The following HEMGN variants were observed in gnomAD, a reference collection of about 807,000 sequenced individuals.
The protein encoded by HEMGN is erythroid differentiation-associated gene protein.
In HEMGN, 32 loss-of-function variants were observed where a neutral mutation model predicts 45.7. That is an observed-to-expected ratio of 0.70 (90% CI 0.53 to 0.94). The LOEUF (loss-of-function observed/expected upper bound fraction) is 0.94. Among genes scored for constraint, HEMGN ranks in the 40% least tolerant of loss-of-function variants. The pLI, the probability that HEMGN is intolerant of heterozygous loss-of-function variation, is 0.00. For synonymous variants in HEMGN, 183 were observed against 178.6 expected (o/e 1.02, Z -0.20); for missense variants, 530 against 564.2 (o/e 0.94, Z 0.61).
intron 2 of HEMGN, among the ~76,000 whole-genome samples, chr9:97,932,837 T>A: frequency 6.7e-6 from 1 of 149,516 alleles, no homozygotes. Context: ...CTAAAGATGA[T>A]GGTTATGGCA....
At chr9:97,943,191 A>G (rs1336165615) in intron 1 of HEMGN, among the ~76,000 whole-genome samples, 1 of 152,204 alleles carries the variant, frequency 6.6e-6, no homozygotes, top group Non-Finnish European at 1.5e-5. Context: ...CGGCAGATAT[A>G]AGTCCCATCA....
chr9:97,927,168 T>TACACAC lies in HEMGN; in HGVS notation c.*210_*215dup, dbSNP rs34825770. 1.6e-5 allele frequency: 5 copies of TACACAC among 317,212 alleles called. No homozygotes were observed. The highest frequency in any genetic ancestry group is 7.7e-5 in the South Asian group (1 of 12,940). 19.6% of individuals were successfully genotyped at this position (317,212 alleles called of 1,614,324 possible). ...ATCCTCTCCCCGACCTATACATACATACACACACACACACACACACACACA... is the reference window on the plus strand; with the variant it reads ...ATCCTCTCCCCGACCTATACATACATACACACACACACACACACACACACACACACA... On this transcript the variant is annotated 3_prime_UTR_variant, in exon 4 of 4. Coordinates refer to ENST00000616898, the MANE Select transcript of HEMGN (RefSeq NM_197978.3).
In HEMGN at chr9:97,927,186, C is replaced by A. The variant is rs945459882; in HGVS notation, c.*198G>T. 4.5e-6 allele frequency: 2 copies of A among 444,730 alleles called. No individual in the cohort carries two copies. The highest frequency in any genetic ancestry group is 4.0e-5 in the African/African-American group (2 of 49,798). 27.5% of individuals were successfully genotyped at this position (444,730 alleles called of 1,614,324 possible). ...ACATACATACACACACACACACACA[C>A]ACACACACACACATTCTAGCATGAT... On this transcript the variant is annotated 3_prime_UTR_variant, in exon 4 of 4. Transcript: ENST00000616898.
upstream of HEMGN, among the ~76,000 whole-genome samples, chr9:97,940,944 C>T (rs1221003752): frequency 1.3e-5 from 2 of 152,124 alleles, no homozygotes; most frequent in East Asian, 3.8e-4. Context: ...TGTCAGAGCT[C>T]TTTCTACTGT....
intron 3 of HEMGN, 41 bp downstream of exon 3, chr9:97,929,994 G>T: frequency 7.0e-7 from 1 of 1,423,146 alleles, no homozygotes; most frequent in Non-Finnish European, 9.8e-7. Flanking sequence ...TCACTACTCT[G>T]GGGGAGATGT....
At chr9:97,937,402 A>G (rs1250250799) in intron 1 of HEMGN, among the ~76,000 whole-genome samples, 1 of 152,080 alleles carries the variant, frequency 6.6e-6, no homozygotes, top group Non-Finnish European at 1.5e-5. Context: ...GTCCCTATAA[A>G]GAAATCACAT....
chr9:97,938,344 G>A (rs1827101662), upstream of HEMGN: 2 of 505,310 alleles, frequency 4.0e-6, no homozygotes, highest in Admixed American at 7.4e-5. Flanking sequence ...ACAGGTGTGA[G>A]TAGGGGAAAT....
In HEMGN at chr9:97,930,198, G is replaced by A. The variant is rs1198126390; in HGVS notation, c.1197C>T (p.Tyr399=). 4.3e-6 allele frequency: 7 copies of A among 1,613,898 alleles called. No individual in the cohort carries two copies. Among genetic ancestry groups the A allele is most frequent in the African/African-American group, 2.7e-5 (2 of 74,848 alleles). The change falls in exon 3 of 4, where the codon TAC becomes TAT. Residue 399 remains tyrosine, a synonymous_variant. Transcript: ENST00000616898. ...SQLEEYSPEI[Y]QETPGPEDLS... ...GGTCTTCAGGCCCCGGTGTTTCTTG[G>A]TATATTTCAGGTGAATATTCTTCAA...
intron 2 of HEMGN, among the ~76,000 whole-genome samples, chr9:97,935,939 C>T (rs902337292): frequency 1.3e-5 from 2 of 152,066 alleles, no homozygotes; most frequent in African/African-American, 4.8e-5. Flanking sequence ...TAAAAGAGAC[C>T]AGGGAAAAAA....
chr9:97,939,204 T>C (rs1398544066), upstream of HEMGN, among the ~76,000 whole-genome samples: 6 of 152,200 alleles, frequency 3.9e-5, no homozygotes, highest in South Asian at 1.2e-3. Context: ...TTAGATAGCC[T>C]TGGAGTCAAT....
chr9:97,933,237 G>A (rs191523133), intron 2 of HEMGN, among the ~76,000 whole-genome samples: 2 of 152,250 alleles, frequency 1.3e-5, no homozygotes, highest in Admixed American at 1.3e-4. Flanking sequence ...TAACTTACAT[G>A]AATGAATTAT....
At chr9:97,936,762 A>G (rs1210719870) in intron 1 of HEMGN, among the ~76,000 whole-genome samples, 2 of 152,214 alleles carry the variant, frequency 1.3e-5, no homozygotes, top group African/African-American at 2.4e-5. Flanking sequence ...TACATAGTCT[A>G]GTTGATGTAC....
upstream of HEMGN, among the ~76,000 whole-genome samples, chr9:97,941,465 G>A (rs547718502): frequency 6.9e-4 from 105 of 152,332 alleles, no homozygotes; most frequent in Non-Finnish European, 1.1e-3. Context: ...TACTATGTGG[G>A]ACAGGGGCAG....
chr9:97,929,725 CTT>C (rs1826905163), intron 3 of HEMGN, among the ~76,000 whole-genome samples: 1 of 152,194 alleles, frequency 6.6e-6, no homozygotes, highest in Non-Finnish European at 1.5e-5. Context: ...TTAATGTAGA[CTT>C]AATTTTTAAA....
Position 97,938,133 on chromosome 9 carries a change from C to G in HEMGN, c.4G>C (p.Asp2His), listed in dbSNP as rs776857267. ...AAATGAGATTGGTCCTTTCCCAAAT[C>G]CATCTTGCTGCAATACCTTCCTGCT... The part of the protein sequence containing the change: M[D>H]LGKDQSHLKH... Residue 2 changes from aspartate to histidine, a missense_variant, in exon 1 of 4, where the codon GAT becomes CAT. By Grantham distance (81) the Asp-to-His change is moderately conservative. Transcript: ENST00000616898. 2 of 1,610,758 alleles carry G rather than the reference C, an allele frequency of 1.2e-6. No homozygotes were observed. Among genetic ancestry groups the G allele is most frequent in the East Asian group, 4.5e-5 (2 of 44,834 alleles).
chr9:97,930,677 T>G lies in HEMGN; in HGVS notation c.718A>C (p.Lys240Gln), dbSNP rs766236906. Reference sequence around the variant, plus strand: ...TCAGATGTTGGACAAGGAAGGATTTTGGGTACAGCAGCTTCTTGGCACATT... The same window carrying G: ...TCAGATGTTGGACAAGGAAGGATTTGGGGTACAGCAGCTTCTTGGCACATT... The part of the protein sequence containing the change: ...PKMCQEAAVP[K>Q]ILPCPTSEDT... Residue 240 changes from lysine (K) to glutamine (Q), a missense_variant, in exon 3 of 4, where the codon AAA becomes CAA. Transcript: ENST00000616898. 1 of 1,614,176 alleles carries G rather than the reference T, an allele frequency of 6.2e-7. No individual in the cohort carries two copies. The highest frequency in any genetic ancestry group is 1.1e-5 in the South Asian group (1 of 91,084).
chr9:97,943,089 T>G (rs1396791013), upstream of HEMGN, among the ~76,000 whole-genome samples: 1 of 152,188 alleles, frequency 6.6e-6, no homozygotes, highest in African/African-American at 2.4e-5. Context: ...GATCCTCAGT[T>G]TCTTCCCTTG....
At chr9:97,928,435 A>G (rs1233814344) in intron 3 of HEMGN, among the ~76,000 whole-genome samples, 1 of 152,220 alleles carries the variant, frequency 6.6e-6, no homozygotes, top group Non-Finnish European at 1.5e-5. Flanking sequence ...GTGAATTGCT[A>G]CCACATTTCT....
chr9:97,938,145 A>G lies in HEMGN; in HGVS notation c.-9T>C, dbSNP rs1827096367. On this transcript the variant is annotated 5_prime_UTR_variant, in exon 1 of 4. Coordinates refer to ENST00000616898, the MANE Select transcript of HEMGN (RefSeq NM_197978.3). ...TCCTTTCCCAAATCCATCTTGCTGC[A>G]ATACCTTCCTGCTATTTTGGTCTGA... 20 of 1,603,232 alleles carry G rather than the reference A, an allele frequency of 1.2e-5. No homozygotes were observed. The highest frequency in any genetic ancestry group is 1.7e-5 in the Non-Finnish European group (20 of 1,171,120).
Sources: gnomAD v4.1 joint callset for allele counts (sites outside exome capture counted in the v4.1 genomes callset) on GRCh38, gnomAD v4.1.1 for gene constraint, MANE v1.5 for transcripts, NCBI Gene and HGNC (gene_info 2026-07-23, HGNC 2026-07-21) for gene names.